The following ABCA8 variants were observed in gnomAD, a reference collection of about 807,000 sequenced individuals.
The protein encoded by ABCA8 is ATP binding cassette subfamily A member 8.
In ABCA8, 177 loss-of-function variants were observed where a neutral mutation model predicts 192.3. That is an observed-to-expected ratio of 0.92 (90% CI 0.81 to 1.04). The LOEUF (loss-of-function observed/expected upper bound fraction) is 1.04. Among genes scored for constraint, ABCA8 ranks in the 50% least tolerant of loss-of-function variants. The pLI is 0.00. For synonymous variants in ABCA8, 642 were observed against 690.2 expected (o/e 0.93, Z 1.09); for missense variants, 1,915 against 1,904.8 (o/e 1.01, Z -0.10).
At chr17:68,885,886 A>C (rs981651612) in intron 26 of ABCA8, among the ~76,000 whole-genome samples, 4 of 152,154 alleles carry the variant, frequency 2.6e-5, no homozygotes, top group African/African-American at 9.7e-5. Context: ...AATAAACTTT[A>C]AAAAATAAAA....
intron 7 of ABCA8, among the ~76,000 whole-genome samples, chr17:68,929,991 G>T (rs1380072085): frequency 6.6e-6 from 1 of 151,386 alleles, no homozygotes; most frequent in Non-Finnish European, 1.5e-5. Context: ...GGGCGGTGGG[G>T]GGGGAATTAG....
chr17:68,891,154 A>G (rs1053885949), intron 24 of ABCA8, among the ~76,000 whole-genome samples: 1 of 152,142 alleles, frequency 6.6e-6, no homozygotes, highest in Non-Finnish European at 1.5e-5. Flanking sequence ...TATCTACATA[A>G]TTATTCTTAA....
chr17:68,939,924 G>A (rs998948079), intron 4 of ABCA8, among the ~76,000 whole-genome samples: 5 of 151,892 alleles, frequency 3.3e-5, no homozygotes, highest in Admixed American at 2.6e-4. Context: ...CTTATTTTGC[G>A]TTTGCTAATA....
intron 37 of ABCA8, among the ~76,000 whole-genome samples, chr17:68,872,683 C>T (rs2066094271): frequency 6.6e-6 from 1 of 152,048 alleles, no homozygotes; most frequent in African/African-American, 2.4e-5. Flanking sequence ...CGAAGACCTT[C>T]CAGTGGGACA....
Position 68,902,492 on chromosome 17 carries a change from C to T in ABCA8, c.2764+221G>A, listed in dbSNP as rs116065501. Among the ~76,000 whole-genome samples the T allele has an allele frequency of 2.2e-3, 340 of 152,310 alleles. 1 individual carries two copies. Among genetic ancestry groups the T allele is most frequent in the African/African-American group, 7.8e-3 (325 of 41,564 alleles). The stretch of plus-strand genomic sequence containing the variant: ...GTTAAAAATGCTATTTTGGTACAAA[C>T]GCTTTCATTTAGCAAGATGCCACCA... On this transcript the variant is annotated intron_variant, in intron 21 of 39. Transcript: ENST00000586539.
chr17:68,945,646 G>C (rs990034196), intron 2 of ABCA8, among the ~76,000 whole-genome samples: 2 of 152,138 alleles, frequency 1.3e-5, no homozygotes, highest in Non-Finnish European at 1.5e-5. Flanking sequence ...AGACCTAAGA[G>C]AGTGACCTAA....
chr17:68,910,391 A>G (rs1159594575), intron 17 of ABCA8, among the ~76,000 whole-genome samples: 1 of 152,170 alleles, frequency 6.6e-6, no homozygotes, highest in East Asian at 1.9e-4. Flanking sequence ...CAAGCAACGT[A>G]GGGCAGAATT....
At chr17:68,903,574 C>T (rs1426734980) in intron 19 of ABCA8, 75 bp from the exon 20 acceptor site, 1 of 1,368,618 alleles carries the variant, frequency 7.3e-7, no homozygotes, top group Non-Finnish European at 1.0e-6. Flanking sequence ...CTAAGCATCT[C>T]ATGATTAGAC....
rs764875480 is a variant in ABCA8, at chr17:68,936,996, G to C, written c.421C>G (p.Leu141Val). ...TTCTTTGCTGGCATTCCATGTCCTA[G>C]CAAGAACTTCAAATGATATGAGTAT... Reference protein sequence around the residue: ...NTYSYHLKFLLGHGMPAKKEH... With the variant: ...NTYSYHLKFLVGHGMPAKKEH... The change falls in exon 5 of 40, where the codon CTA becomes GTA. Residue 141 changes from leucine to valine, a missense_variant. Leu to Val is a conservative substitution (Grantham distance 32, BLOSUM62 1). Transcript: ENST00000586539. 1.2e-6 allele frequency: 2 copies of C among 1,607,692 alleles called. No individual in the cohort carries two copies. The highest frequency in any genetic ancestry group is 1.7e-6 in the Non-Finnish European group (2 of 1,177,696).
intron 37 of ABCA8, among the ~76,000 whole-genome samples, chr17:68,873,851 T>C (rs979104410): frequency 2.6e-5 from 4 of 152,204 alleles, no homozygotes; most frequent in South Asian, 2.1e-4. Flanking sequence ...TGAAGATCAG[T>C]TGGCCATATA....
Position 68,929,583 on chromosome 17 carries a change from A to G in ABCA8, c.917T>C (p.Phe306Ser), listed in dbSNP as rs2067801500. The G allele has an allele frequency of 2.5e-6, 4 of 1,613,450 alleles. No individual in the cohort carries two copies. In the South Asian group the frequency reaches 4.4e-5, roughly 18 times the overall value. Residue 306 changes from phenylalanine (F) to serine (S), a missense_variant, in exon 8 of 40, where the codon TTT becomes TCT. Coordinates refer to ENST00000586539, the MANE Select transcript of ABCA8 (RefSeq NM_001288985.2). ...LSGFMVVFSL[F>S]LLYGLSLVAL... ...CACCAAAGATAATCCATACAGGAGA[A>G]AGAGGCTGAAGACTACCATGAAGCC... is the stretch of plus-strand genomic sequence containing the variant.
chr17:68,908,834 T>G (rs1285245256), intron 17 of ABCA8, among the ~76,000 whole-genome samples: 2 of 152,214 alleles, frequency 1.3e-5, no homozygotes, highest in Non-Finnish European at 2.9e-5. Flanking sequence ...AAACAGTTAC[T>G]TTATTAGAAA....
chr17:68,891,406 G>T lies in ABCA8; in HGVS notation c.3144+83C>A, dbSNP rs991071612. ...AATTGGCTGTTCAATTAAGCATGTA[G>T]AAATATTCTTATGAAAAATTGTAAA... On this transcript the variant is annotated intron_variant, in intron 24 of 39. Coordinates refer to ENST00000586539, the MANE Select transcript of ABCA8 (RefSeq NM_001288985.2). 4 of 944,664 alleles carry T rather than the reference G, an allele frequency of 4.2e-6. No homozygotes were observed. The African/African-American group carries it at 6.6e-5, about 16-fold the overall frequency. 58.5% of individuals were successfully genotyped at this position (944,664 alleles called of 1,614,324 possible). A position where few individuals can be genotyped will look rare whatever the true frequency, so the allele number is the denominator to read the frequency against.
At chr17:68,941,265 C>T (rs1486166226) in intron 3 of ABCA8, among the ~76,000 whole-genome samples, 1 of 152,022 alleles carries the variant, frequency 6.6e-6, no homozygotes, top group Admixed American at 6.6e-5. Context: ...ATAGTATCTT[C>T]GTTAGTTATA....
chr17:68,946,170 C>T (rs894199143), intron 2 of ABCA8, among the ~76,000 whole-genome samples: 4 of 152,032 alleles, frequency 2.6e-5, no homozygotes, highest in East Asian at 1.9e-4. Context: ...CAGGTTCAAG[C>T]GATTCTCCTG....
At position 68,933,251 on chromosome 17, in the gene ABCA8, CATTT is replaced by C. The variant is rs1365036230; in HGVS notation, c.483_486del (p.Asn162LysfsTer27). 1.6e-5 allele frequency: 25 copies of C among 1,611,088 alleles called. No homozygotes were observed. Among genetic ancestry groups the C allele is most frequent in the Non-Finnish European group, 2.1e-5 (25 of 1,178,126 alleles). ...ACTGAAACTTCACAGTAAACATCTT[CATTT>C]GTTTCATAACAATGAGCTTTGTGAA... On this transcript the variant is annotated frameshift_variant, in exon 6 of 40. Coordinates refer to ENST00000586539, the MANE Select transcript of ABCA8 (RefSeq NM_001288985.2). LOFTEE classifies it high-confidence loss of function.
rs746453789 is a variant in ABCA8, at chr17:68,906,136, G to A, written c.2306C>T (p.Pro769Leu). The change falls in exon 19 of 40, where the codon CCT (proline) becomes CTT (leucine). Residue 769 changes from proline (P) to leucine (L), a missense_variant. By Grantham distance (98) the Pro-to-Leu change is moderately conservative. Coordinates refer to ENST00000586539, the MANE Select transcript of ABCA8 (RefSeq NM_001288985.2). Reference protein sequence around the residue: ...PELYKDLDSYPDLGIENYGVS... With the variant: ...PELYKDLDSYLDLGIENYGVS... ...ACCATAATTCTCAATTCCTAGGTCA[G>A]GATAGCTATCAAGATCCTTGTAAAG... is the stretch of plus-strand genomic sequence containing the variant. 2.1e-5 allele frequency: 34 copies of A among 1,592,146 alleles called. No individual in the cohort carries two copies. The South Asian group carries it at 3.7e-4, about 17-fold the overall frequency.
chr17:68,903,593 G>T, intron 19 of ABCA8, 94 bp from the exon 20 acceptor site: 2 of 1,089,370 alleles, frequency 1.8e-6, no homozygotes, highest in South Asian at 2.9e-5. Context: ...ACTCTTCCGC[G>T]TTACTATAGG....
intron 15 of ABCA8, 25 bp downstream of exon 15, chr17:68,918,402 C>A: frequency 6.4e-7 from 1 of 1,554,926 alleles, no homozygotes; most frequent in Non-Finnish European, 8.6e-7. Flanking sequence ...ACTTTGAATT[C>A]ACCTGCAAAT....
Sources: allele counts gnomAD v4.1 joint callset (sites outside exome capture counted in the v4.1 genomes callset), GRCh38; gene constraint gnomAD v4.1.1; transcripts MANE v1.5; gene names NCBI Gene and HGNC (gene_info 2026-07-23, HGNC 2026-07-21).